SGCZ: variants seen among roughly 807,000 people sequenced by gnomAD.
SGCZ encodes the protein sarcoglycan zeta.
Under a neutral mutation model 41.3 loss-of-function variants are expected in SGCZ, and 40 were observed. The ratio of observed to expected loss-of-function variants is 0.97; its 90% CI spans 0.75 to 1.26. The LOEUF (loss-of-function observed/expected upper bound fraction) is 1.26. Among genes scored for constraint, SGCZ ranks in the 50% most tolerant of loss-of-function variants. The probability of loss-of-function intolerance (pLI) is 0.00; values close to 1 mark genes in which losing one functional copy is unlikely to be tolerated. For synonymous variants in SGCZ, 206 were observed against 137.5 expected (o/e 1.50, Z -3.49); for missense variants, 552 against 369.8 (o/e 1.49, Z -4.04).
At chr8:14,797,611 T>C (rs926719204) in intron 1 of SGCZ, among the ~76,000 whole-genome samples, 2 of 152,222 alleles carry the variant, frequency 1.3e-5, no homozygotes, top group Admixed American at 6.5e-5. Flanking sequence ...TCAAACCTAC[T>C]GCAGAAATTT....
Position 14,223,748 on chromosome 8 carries a change from A to T in SGCZ, c.424+13844T>A, listed in dbSNP as rs58027517. Reference sequence around the variant, plus strand: ...TCAAGTGATAACCCTTAACAAACTAAAGATACTAGAACTAAATATTACTTT... The same window carrying T: ...TCAAGTGATAACCCTTAACAAACTATAGATACTAGAACTAAATATTACTTT... On this transcript the variant is annotated intron_variant, in intron 4 of 7. Transcript: ENST00000382080. 7.1e-3 allele frequency among the ~76,000 whole-genome samples: 1,082 copies of T among 152,312 alleles called. 12 individuals carry two copies. The highest frequency in any genetic ancestry group is 0.025 in the African/African-American group (1,035 of 41,570).
At chr8:14,248,102 G>A (rs1160183726) in intron 3 of SGCZ, among the ~76,000 whole-genome samples, 2 of 152,066 alleles carry the variant, frequency 1.3e-5, no homozygotes, top group Admixed American at 6.6e-5. Flanking sequence ...TTTATGGATC[G>A]AGGAAATTAT....
chr8:14,869,311 C>G (rs181199889), intron 1 of SGCZ, among the ~76,000 whole-genome samples: 1 of 152,140 alleles, frequency 6.6e-6, no homozygotes, highest in Non-Finnish European at 1.5e-5. Context: ...CGTAATCCAT[C>G]ACATATACAG....
In SGCZ at chr8:14,702,208, G is replaced by A. The variant is rs1477756496; in HGVS notation, c.40-147282C>T. Among the ~76,000 whole-genome samples the A allele has an allele frequency of 2.6e-5, 4 of 151,838 alleles. No individual in the cohort carries two copies. In the South Asian group the frequency reaches 8.3e-4, roughly 32 times the overall value. ...GTTTTCTTTCAACTTTCTATTTGTT[G>A]AAATGCCCTCCTTGATTTCCACTTG... On this transcript the variant is annotated intron_variant, in intron 1 of 7. Coordinates refer to ENST00000382080, the MANE Select transcript of SGCZ (RefSeq NM_139167.4).
At chr8:14,465,817 G>A (rs1232938896) in intron 2 of SGCZ, among the ~76,000 whole-genome samples, 2 of 151,588 alleles carry the variant, frequency 1.3e-5, no homozygotes, top group African/African-American at 2.4e-5. Flanking sequence ...TGATGACACA[G>A]AATTATATCT....
intron 1 of SGCZ, among the ~76,000 whole-genome samples, chr8:15,166,404 T>A (rs975865352): frequency 1.3e-5 from 2 of 151,982 alleles, no homozygotes; most frequent in Non-Finnish European, 2.9e-5. Context: ...CCCACCACCA[T>A]GCCCAGCTAG....
chr8:15,181,929 C>T (rs1040972935), intron 1 of SGCZ, among the ~76,000 whole-genome samples: 2 of 152,124 alleles, frequency 1.3e-5, no homozygotes, highest in African/African-American at 4.8e-5. Flanking sequence ...TTTCAACTTT[C>T]AATTTTTGAA....
chr8:14,161,683 T>G (rs990464150), intron 5 of SGCZ, among the ~76,000 whole-genome samples: 9 of 152,188 alleles, frequency 5.9e-5, no homozygotes, highest in African/African-American at 2.4e-5. Context: ...TAAGATCATC[T>G]GAAAGTATAT....
At chr8:14,237,953 T>C (rs1806828432) in intron 3 of SGCZ, among the ~76,000 whole-genome samples, 1 of 152,210 alleles carries the variant, frequency 6.6e-6, no homozygotes, top group Non-Finnish European at 1.5e-5. Flanking sequence ...AACGGTGTAG[T>C]AACCCTTTTC....
intron 2 of SGCZ, among the ~76,000 whole-genome samples, chr8:14,516,064 A>T (rs1451851717): frequency 6.6e-6 from 1 of 151,910 alleles, no homozygotes; most frequent in African/African-American, 2.4e-5. Context: ...CATAGTGTGG[A>T]CTGATTTAAA....
intron 4 of SGCZ, among the ~76,000 whole-genome samples, chr8:14,180,147 C>G (rs1391593372): frequency 6.6e-6 from 1 of 152,126 alleles, no homozygotes; most frequent in Non-Finnish European, 1.5e-5. Flanking sequence ...ATGTATAGGG[C>G]AATGCAACAA....
intron 1 of SGCZ, among the ~76,000 whole-genome samples, chr8:15,232,717 G>C (rs1291864749): frequency 5.5e-5 from 8 of 145,518 alleles, no homozygotes; most frequent in African/African-American, 2.0e-4. Context: ...ATATATATGT[G>C]TGTATATATA....
At chr8:14,272,911 G>T (rs994523874) in intron 3 of SGCZ, among the ~76,000 whole-genome samples, 4 of 152,036 alleles carry the variant, frequency 2.6e-5, no homozygotes, top group African/African-American at 9.7e-5. Context: ...TTAACTCTTA[G>T]ATGGAGATGA....
intron 1 of SGCZ, among the ~76,000 whole-genome samples, chr8:15,127,413 A>G (rs1248591049): frequency 1.3e-5 from 2 of 152,192 alleles, no homozygotes; most frequent in Non-Finnish European, 2.9e-5. Context: ...TTTCAAATTT[A>G]AATAACGTAA....
At chr8:15,040,401 G>A (rs925513315) in intron 1 of SGCZ, among the ~76,000 whole-genome samples, 2 of 152,272 alleles carry the variant, frequency 1.3e-5, no homozygotes, top group East Asian at 1.9e-4. Context: ...GATCACCTGA[G>A]GTAGGAATTC....
chr8:15,031,935 C>G (rs539509851), intron 1 of SGCZ, among the ~76,000 whole-genome samples: 15 of 148,128 alleles, frequency 1.0e-4, no homozygotes, highest in South Asian at 6.3e-4. Context: ...CTCTCTCTCT[C>G]TCTGTCTGTC....
chr8:14,704,157 A>T (rs887520333), intron 1 of SGCZ, among the ~76,000 whole-genome samples: 1 of 152,040 alleles, frequency 6.6e-6, no homozygotes, highest in Non-Finnish European at 1.5e-5. Flanking sequence ...TCCTGGGGTA[A>T]CTAGTTCATG....
intron 1 of SGCZ, among the ~76,000 whole-genome samples, chr8:15,079,536 A>C (rs1278655990): frequency 1.3e-5 from 2 of 152,196 alleles, no homozygotes; most frequent in Non-Finnish European, 2.9e-5. Flanking sequence ...GAATTTAGTA[A>C]CTTTACTAGG....
At chr8:14,269,167 A>G (rs936124136) in intron 3 of SGCZ, among the ~76,000 whole-genome samples, 1 of 152,124 alleles carries the variant, frequency 6.6e-6, no homozygotes, top group Non-Finnish European at 1.5e-5. Context: ...ATTAGAGAGC[A>G]GCTTAAGGTT....
Sources: gnomAD v4.1 joint callset for allele counts (sites outside exome capture counted in the v4.1 genomes callset) on GRCh38, gnomAD v4.1.1 for gene constraint, MANE v1.5 for transcripts, NCBI Gene and HGNC (gene_info 2026-07-23, HGNC 2026-07-21) for gene names.